VPS13B: variants seen among roughly 807,000 people sequenced by gnomAD.
VPS13B encodes the protein vacuolar protein sorting 13 homolog B.
VPS13B carries 285 observed loss-of-function variants against 426.4 expected under a neutral mutation model. The observed-to-expected ratio is 0.67, with a 90% CI of 0.61 to 0.74. VPS13B has a LOEUF of 0.74. Among genes scored for constraint, VPS13B ranks in the 30% least tolerant of loss-of-function variants. VPS13B has a pLI of 0.00. For missense variants in VPS13B, 4,537 were observed against 4,782.6 expected (o/e 0.95, Z 1.51); for synonymous variants, 1,676 against 1,676.4 (o/e 1.00, Z 0.01).
At chr8:99,285,738 G>A (rs1230022698) in intron 19 of VPS13B, among the ~76,000 whole-genome samples, 2 of 152,058 alleles carry the variant, frequency 1.3e-5, no homozygotes, top group Non-Finnish European at 2.9e-5. Context: ...GCCAAAAGAG[G>A]AGTTGCTTTA....
intron 3 of VPS13B, among the ~76,000 whole-genome samples, chr8:99,063,849 GC>G (rs1199030791): frequency 1.3e-5 from 2 of 152,144 alleles, no homozygotes; most frequent in African/African-American, 4.8e-5. Context: ...ACAGGCAGGT[GC>G]CCCTCTGGGA....
chr8:99,013,499 C>T (rs140668559), intron 1 of VPS13B, among the ~76,000 whole-genome samples, 152 bp downstream of exon 1: 5 of 152,264 alleles, frequency 3.3e-5, no homozygotes, highest in African/African-American at 1.2e-4. Flanking sequence ...GAAGGGGAGC[C>T]CGCCTCACTT....
intron 29 of VPS13B, among the ~76,000 whole-genome samples, chr8:99,519,530 T>C (rs1489085912): frequency 6.6e-6 from 1 of 152,092 alleles, no homozygotes; most frequent in African/African-American, 2.4e-5. Context: ...CTATTCACAA[T>C]AGCAAAGACT....
intron 19 of VPS13B, among the ~76,000 whole-genome samples, chr8:99,331,636 T>C (rs925482150): frequency 4.6e-5 from 7 of 151,808 alleles, no homozygotes; most frequent in African/African-American, 1.7e-4. Flanking sequence ...ATATGAAATA[T>C]GTAGGTTGCA....
intron 34 of VPS13B, 94 bp downstream of exon 34, chr8:99,642,592 C>A: frequency 8.9e-7 from 1 of 1,120,470 alleles, no homozygotes; most frequent in Non-Finnish European, 1.3e-6. Flanking sequence ...AAACAGCTGG[C>A]AGACAAAAGT....
intron 4 of VPS13B, among the ~76,000 whole-genome samples, chr8:99,100,103 A>G (rs1440897270): frequency 1.3e-5 from 2 of 152,166 alleles, no homozygotes; most frequent in Non-Finnish European, 2.9e-5. Flanking sequence ...GAGGGATTAT[A>G]GAGACGGTTT....
intron 19 of VPS13B, among the ~76,000 whole-genome samples, chr8:99,315,175 C>G (rs1821250691): frequency 6.6e-6 from 1 of 152,114 alleles, no homozygotes; most frequent in Non-Finnish European, 1.5e-5. Flanking sequence ...ATATCTAAAT[C>G]TCTTGCTAAA....
At chr8:99,842,842 T>C (rs1343606366) in intron 54 of VPS13B, among the ~76,000 whole-genome samples, 1 of 151,990 alleles carries the variant, frequency 6.6e-6, no homozygotes, top group Non-Finnish European at 1.5e-5. Flanking sequence ...CCTCAAATGG[T>C]TTTCTTAGAC....
At chr8:99,378,568 G>A (rs1162394379) in intron 19 of VPS13B, among the ~76,000 whole-genome samples, 2 of 152,078 alleles carry the variant, frequency 1.3e-5, no homozygotes, top group African/African-American at 4.8e-5. Flanking sequence ...ACAGGCATAA[G>A]AAATTATAAA....
At chr8:99,311,648 T>C (rs1355031957) in intron 19 of VPS13B, among the ~76,000 whole-genome samples, 1 of 152,214 alleles carries the variant, frequency 6.6e-6, no homozygotes, top group African/African-American at 2.4e-5. Context: ...TATATTCTGT[T>C]GATTTGGGGT....
At chr8:99,391,233 A>G (rs1274104019) in intron 20 of VPS13B, among the ~76,000 whole-genome samples, 1 of 152,080 alleles carries the variant, frequency 6.6e-6, no homozygotes, top group African/African-American at 2.4e-5. Context: ...TATTATTTTA[A>G]TACTTCTTAC....
chr8:99,448,567 A>C (rs568669041), intron 23 of VPS13B, among the ~76,000 whole-genome samples: 1 of 152,128 alleles, frequency 6.6e-6, no homozygotes, highest in Admixed American at 6.6e-5. Context: ...CCAGATAGAA[A>C]ACTGATTTGG....
At chr8:99,339,970 A>T (rs1811147947) in intron 19 of VPS13B, among the ~76,000 whole-genome samples, 1 of 152,212 alleles carries the variant, frequency 6.6e-6, no homozygotes, top group African/African-American at 2.4e-5. Context: ...TCTGCTTACT[A>T]ACTCCAACAT....
At chr8:99,399,062 T>C (rs2133330482) in intron 21 of VPS13B, among the ~76,000 whole-genome samples, 1 of 152,276 alleles carries the variant, frequency 6.6e-6, no homozygotes, top group East Asian at 1.9e-4. Flanking sequence ...TGCAATTTAT[T>C]TTATCAGGGA....
intron 17 of VPS13B, among the ~76,000 whole-genome samples, chr8:99,243,847 T>G (rs1443493581): frequency 6.6e-6 from 1 of 152,230 alleles, no homozygotes; most frequent in East Asian, 1.9e-4. Flanking sequence ...CAGTAATTTC[T>G]TCAAATTGCT....
At chr8:99,104,969 A>C (rs1846965857) in intron 5 of VPS13B, among the ~76,000 whole-genome samples, 1 of 152,080 alleles carries the variant, frequency 6.6e-6, no homozygotes, top group Admixed American at 6.6e-5. Context: ...TCTCTTTTTA[A>C]TGTTTAGTCA....
At chr8:99,565,935 A>C (rs1168430508) in intron 31 of VPS13B, among the ~76,000 whole-genome samples, 1 of 152,138 alleles carries the variant, frequency 6.6e-6, no homozygotes. Flanking sequence ...ACCTAAACCT[A>C]CTTGAATGAT....
chr8:99,103,117 TC>T lies in VPS13B; in HGVS notation c.578del (p.Ser193LeufsTer7). 6.2e-7 allele frequency: 1 copy of T among 1,613,914 alleles called. No individual in the cohort carries two copies. Reference protein sequence around the residue: ...ELWDRAFMDISATDLVLRKVI... With the variant: ...ELWDRAFMDIXATDLVLRKVI... ...ATGGGATCGTGCATTCATGGATATT[TC>T]TGGTGAGTAAATATGGAGAATACCG... On this transcript the variant is annotated frameshift_variant and splice_region_variant, in exon 5 of 62. Coordinates refer to ENST00000357162, the MANE Select transcript of VPS13B (RefSeq NM_152564.5). LOFTEE classifies it high-confidence loss of function.
intron 17 of VPS13B, among the ~76,000 whole-genome samples, chr8:99,193,550 C>T (rs1418447413): frequency 6.6e-6 from 1 of 152,040 alleles, no homozygotes; most frequent in East Asian, 1.9e-4. Context: ...TAAGAGATAT[C>T]TTCATCTTAT....
Sources: allele counts gnomAD v4.1 joint callset (sites outside exome capture counted in the v4.1 genomes callset), GRCh38; gene constraint gnomAD v4.1.1; transcripts MANE v1.5; gene names NCBI Gene and HGNC (gene_info 2026-07-23, HGNC 2026-07-21).